Variants in RPS6KA5 observed in about 807,000 individuals in gnomAD.
RPS6KA5 encodes the protein ribosomal protein S6 kinase alpha-5.
Under a neutral mutation model 85.5 loss-of-function variants are expected in RPS6KA5, and 27 were observed. The ratio of observed to expected loss-of-function variants is 0.32; its 90% confidence interval spans 0.23 to 0.44. RPS6KA5 has a LOEUF of 0.44. RPS6KA5 is among the 20% of genes least tolerant of loss of function. The pLI is 1.00. For synonymous variants in RPS6KA5, 334 were observed against 348.2 expected (o/e 0.96, Z 0.46); for missense variants, 811 against 980.9 (o/e 0.83, Z 2.31).
chr14:90,921,193 G>A (rs1331543903), intron 6 of RPS6KA5, among the ~76,000 whole-genome samples: 2 of 152,108 alleles, frequency 1.3e-5, no homozygotes, highest in Admixed American at 6.6e-5. Flanking sequence ...TTTCAGAGAG[G>A]TGACAAAATT....
rs1043367343 is a variant in RPS6KA5 at position 90,875,998 on chromosome 14, C to T, written c.1837-638G>A. 2.0e-5 allele frequency among the ~76,000 whole-genome samples: 3 copies of T among 151,450 alleles called. No individual in the cohort carries two copies. In the East Asian group the frequency reaches 5.9e-4, roughly 30 times the overall value. ...AGCACACCAACATGGCACATGTATACATATGTAAAAAACCTGCACGTTGTG... is the reference window on the plus strand; with the variant it reads ...AGCACACCAACATGGCACATGTATATATATGTAAAAAACCTGCACGTTGTG... On this transcript the variant is annotated intron_variant, in intron 14 of 16. Coordinates refer to ENST00000614987, the MANE Select transcript of RPS6KA5 (RefSeq NM_004755.4).
At chr14:90,971,867 C>A (rs1471133913) in intron 3 of RPS6KA5, among the ~76,000 whole-genome samples, 1 of 152,196 alleles carries the variant, frequency 6.6e-6, no homozygotes, top group Non-Finnish European at 1.5e-5. Context: ...CACCAAACAA[C>A]ATGGTTCAGG....
Position 90,856,752 on chromosome 14 carries a change from T to G in RPS6KA5, c.*15322A>C, listed in dbSNP as rs2032306611. The stretch of plus-strand genomic sequence containing the variant: ...TACATTTACAATGTCTTGCAACCAT[T>G]ACCACTACCTAATTCCAGAACATTT... On this transcript the variant is annotated 3_prime_UTR_variant, in exon 17 of 17. Transcript: ENST00000614987. 1 of 152,266 alleles carries G rather than the reference T, an allele frequency of 6.6e-6. No homozygotes were observed. The highest frequency in any genetic ancestry group is 1.5e-5 in the Non-Finnish European group (1 of 68,092). 9.4% of individuals were successfully genotyped at this position (152,266 alleles called of 1,614,324 possible).
At chr14:90,996,581 G>A (rs1431625821) in intron 2 of RPS6KA5, among the ~76,000 whole-genome samples, 1 of 152,012 alleles carries the variant, frequency 6.6e-6, no homozygotes, top group Admixed American at 6.6e-5. Context: ...TTTAAAAACA[G>A]CTATAAATCT....
At chr14:90,913,618 T>C (rs1269918562) in intron 7 of RPS6KA5, among the ~76,000 whole-genome samples, 1 of 152,228 alleles carries the variant, frequency 6.6e-6, no homozygotes, top group Non-Finnish European at 1.5e-5. Context: ...AGTTACTTAG[T>C]ATGACTTTTA....
chr14:91,020,582 GTTTATATGTGTA>G (rs2041713099), intron 1 of RPS6KA5, among the ~76,000 whole-genome samples: 3 of 115,158 alleles, frequency 2.6e-5, no homozygotes, highest in Admixed American at 8.4e-5. Context: ...GTGTGTGTGT[GTTTATATGTGTA>G]TGTGTATGTA....
At chr14:90,875,421 A>G (rs903495594) in intron 14 of RPS6KA5, 61 bp from the exon 15 acceptor site, 1 of 1,472,100 alleles carries the variant, frequency 6.8e-7, no homozygotes, top group South Asian at 1.2e-5. Context: ...CCACTCTAAT[A>G]ATCCTAATAG....
rs1476785757 is a variant in RPS6KA5 at position 90,867,806 on chromosome 14, C to A, written c.*4268G>T. The A allele has an allele frequency of 6.6e-6, 1 of 152,132 alleles. No individual in the cohort carries two copies. The highest frequency in any genetic ancestry group is 2.4e-5 in the African/African-American group (1 of 41,434). The allele number at this position is 152,132 out of a possible 1,614,324, so 9.4% of individuals were successfully genotyped here. A position where few individuals can be genotyped will look rare whatever the true frequency, so the allele number is the denominator to read the frequency against. On this transcript the variant is annotated 3_prime_UTR_variant, in exon 17 of 17. Coordinates refer to ENST00000614987, the MANE Select transcript of RPS6KA5 (RefSeq NM_004755.4). ...CTTTAGTTTCTTATTCCTTTTCACC[C>A]TAATAGTAGGAAAATATTAGGCACC...
intron 2 of RPS6KA5, among the ~76,000 whole-genome samples, chr14:90,994,886 T>C (rs1358653824): frequency 6.6e-6 from 1 of 152,114 alleles, no homozygotes; most frequent in Non-Finnish European, 1.5e-5. Context: ...TTTGTAATTT[T>C]TGATAGTAAA....
intron 14 of RPS6KA5, among the ~76,000 whole-genome samples, chr14:90,880,926 C>T (rs2033796924): frequency 2.0e-5 from 3 of 151,704 alleles, no homozygotes; most frequent in South Asian, 2.1e-4. Flanking sequence ...CTTGACCTCC[C>T]CAGGCTCAAG....
Position 90,868,348 on chromosome 14 carries a change from T to C in RPS6KA5, c.*3726A>G, listed in dbSNP as rs1440889028. The stretch of plus-strand genomic sequence containing the variant: ...CAGGTATCAAGTGATGACAGACACT[T>C]ACGTGAGGTATACAATCAATTAAAG... On this transcript the variant is annotated 3_prime_UTR_variant, in exon 17 of 17. Coordinates refer to ENST00000614987, the MANE Select transcript of RPS6KA5 (RefSeq NM_004755.4). 1 of 152,230 alleles carries C rather than the reference T, an allele frequency of 6.6e-6. No homozygotes were observed. Among genetic ancestry groups the C allele is most frequent in the East Asian group, 1.9e-4 (1 of 5,200 alleles). 9.4% of individuals were successfully genotyped at this position (152,230 alleles called of 1,614,324 possible). A position where few individuals can be genotyped will look rare whatever the true frequency, so the allele number is the denominator to read the frequency against.
chr14:90,894,556 G>C lies in RPS6KA5; in HGVS notation c.1501C>G (p.Leu501Val), dbSNP rs771647081. Residue 501 changes from leucine (L) to valine (V), a missense_variant, in exon 13 of 17, where the codon CTG (leucine) becomes GTG (valine). This residue lies in a region of RPS6KA5 where 650 missense variants were observed against 793.4 expected (regional missense o/e 0.82). Coordinates refer to ENST00000614987, the MANE Select transcript of RPS6KA5 (RefSeq NM_004755.4). ...QLHTFLVMEL[L>V]NGGELFERIK... Reference sequence around the variant, plus strand: ...CGCTCAAACAGTTCTCCTCCATTCAGAAGTTCCATCACTAGAAACGTGTGA... The same window carrying C: ...CGCTCAAACAGTTCTCCTCCATTCACAAGTTCCATCACTAGAAACGTGTGA... 2 of 1,614,050 alleles carry C rather than the reference G, an allele frequency of 1.2e-6. No homozygotes were observed. The highest frequency in any genetic ancestry group is 1.7e-6 in the Non-Finnish European group (2 of 1,179,968).
In RPS6KA5 at chr14:90,906,211, T is replaced by A; in HGVS notation, c.895A>T (p.Lys299Ter). The change falls in exon 8 of 17, where the codon AAG becomes TAG. Residue 299 changes from lysine (K) to a stop codon, truncating the protein, a stop_gained. Coordinates refer to ENST00000614987, the MANE Select transcript of RPS6KA5 (RefSeq NM_004755.4). LOFTEE classifies it high-confidence loss of function. Reference protein sequence around the residue: ...LIQRLLMKDPKKRLGCGPRDA... With the variant: ...LIQRLLMKDP Reference sequence around the variant, plus strand: ...CGTGGACCACATCCCAATCTCTTCTTGGGATCTTTCATCAAAAGACGCTGA... The same window carrying A: ...CGTGGACCACATCCCAATCTCTTCTAGGGATCTTTCATCAAAAGACGCTGA... The A allele has an allele frequency of 6.2e-7, 1 of 1,613,274 alleles. No individual in the cohort carries two copies. The highest frequency in any genetic ancestry group is 8.5e-7 in the Non-Finnish European group (1 of 1,179,398).
chr14:90,943,176 T>C lies in RPS6KA5; in HGVS notation c.520A>G (p.Ile174Val). The change falls in exon 5 of 17, where the codon ATA (isoleucine) becomes GTA (valine). Residue 174 changes from isoleucine to valine, a missense_variant. Physicochemically the swap from Ile to Val is conservative, Grantham distance 29. Transcript: ENST00000614987. ...TTCTCAAGCTTAATATCACGATATA[T>C]AATCCCCAACTGCAAAAACAAAGAA... ...ALEHLHKLGI[I>V]YRDIKLENIL... The C allele has an allele frequency of 6.4e-7, 1 of 1,571,050 alleles. No individual in the cohort carries two copies. Among genetic ancestry groups the C allele is most frequent in the Non-Finnish European group, 8.7e-7 (1 of 1,144,274 alleles).
At chr14:90,955,815 A>G (rs1463559331) in intron 3 of RPS6KA5, among the ~76,000 whole-genome samples, 1 of 151,980 alleles carries the variant, frequency 6.6e-6, no homozygotes, top group Admixed American at 6.6e-5. Context: ...TGAGAATGGG[A>G]TATTATTGCT....
At chr14:90,969,065 G>A (rs573672315) in intron 3 of RPS6KA5, among the ~76,000 whole-genome samples, 74 of 152,284 alleles carry the variant, frequency 4.9e-4, no homozygotes, top group African/African-American at 1.7e-3. Flanking sequence ...CCGTGTGTGT[G>A]TATGTGTGTT....
intron 1 of RPS6KA5, chr14:91,060,083 C>A (rs2043579566): frequency 2.0e-6 from 2 of 985,270 alleles, no homozygotes; most frequent in African/African-American, 3.5e-5. Context: ...TCGGCGGCTG[C>A]GCTGGCCCCG....
chr14:90,940,933 C>A (rs1428092431), intron 5 of RPS6KA5, among the ~76,000 whole-genome samples: 2 of 152,102 alleles, frequency 1.3e-5, no homozygotes, highest in Non-Finnish European at 2.9e-5. Context: ...AAAACCATAC[C>A]CCGACCCTCG....
chr14:90,994,056 C>A (rs918770929), intron 2 of RPS6KA5, among the ~76,000 whole-genome samples: 1 of 152,038 alleles, frequency 6.6e-6, no homozygotes, highest in Non-Finnish European at 1.5e-5. Context: ...CCATGCCCAG[C>A]TAAGTTAGTT....
Sources: allele counts gnomAD v4.1 joint callset (sites outside exome capture counted in the v4.1 genomes callset), GRCh38; gene constraint gnomAD v4.1.1; regional missense constraint gnomAD v4.1.1; transcripts MANE v1.5; gene names NCBI Gene and HGNC (gene_info 2026-07-23, HGNC 2026-07-21).